HUNK: variants seen among roughly 807,000 people sequenced by gnomAD.
The protein encoded by HUNK is hormonally up-regulated Neu-associated kinase.
A neutral mutation model predicts 61.0 loss-of-function variants in HUNK; 21 were observed. The ratio of observed to expected loss-of-function variants is 0.34; its 90% CI spans 0.24 to 0.50. The LOEUF (loss-of-function observed/expected upper bound fraction) is 0.50, where lower values mean the gene tolerates loss of function less well. Among genes scored for constraint, HUNK ranks in the 20% least tolerant of loss-of-function variants. The pLI, the probability that HUNK is intolerant of heterozygous loss-of-function variation, is 0.98. For synonymous variants in HUNK, 371 were observed against 386.1 expected (o/e 0.96, Z 0.46); for missense variants, 772 against 945.7 (o/e 0.82, Z 2.41).
chr21:31,912,853 C>T (rs184221479), intron 1 of HUNK, among the ~76,000 whole-genome samples: 12 of 152,170 alleles, frequency 7.9e-5, no homozygotes, highest in South Asian at 6.2e-4. Flanking sequence ...CAAGCTGAAA[C>T]GGTGTCCACA....
At chr21:31,965,919 AATTTC>A (rs1302060901) in intron 5 of HUNK, among the ~76,000 whole-genome samples, 2 of 151,738 alleles carry the variant, frequency 1.3e-5, no homozygotes, top group Non-Finnish European at 2.9e-5. Flanking sequence ...CTTTTTTCAA[AATTTC>A]AGTACGTATT....
rs114798499 is a variant in HUNK, at chr21:31,900,252, C to T, written c.262-24216C>T. 9.5e-3 allele frequency among the ~76,000 whole-genome samples: 1,453 copies of T among 152,234 alleles called. 23 individuals are homozygous for T. The highest frequency in any genetic ancestry group is 0.033 in the African/African-American group (1,364 of 41,536). On this transcript the variant is annotated intron_variant, in intron 1 of 10. Transcript: ENST00000270112. The stretch of plus-strand genomic sequence containing the variant: ...CCACCCTCCTAGCTCCTTCCAGCCC[C>T]ACTGAAATGCCACGTTAGTTCTTCC...
At chr21:31,940,124 G>T in intron 2 of HUNK, 41 bp from the exon 3 acceptor site, 5 of 1,490,168 alleles carry the variant, frequency 3.4e-6, no homozygotes, top group East Asian at 2.3e-5. Context: ...CCATTATTTC[G>T]AATGCTTATC....
Position 31,995,758 on chromosome 21 carries a change from T to C in HUNK, c.1306-10T>C, listed in dbSNP as rs764165478. The C allele has an allele frequency of 6.2e-7, 1 of 1,611,066 alleles. No individual in the cohort carries two copies. The highest frequency in any genetic ancestry group is 2.2e-5 in the East Asian group (1 of 44,876). On this transcript the variant is annotated splice_polypyrimidine_tract_variant and intron_variant, in intron 9 of 10. Transcript: ENST00000270112. ...GTGTCTAAGTGCATATGTTTGCTTC[T>C]GATTTGTAGGATAAAAAGCCCAAAG...
chr21:31,886,828 T>C (rs1315368817), intron 1 of HUNK, among the ~76,000 whole-genome samples: 1 of 152,080 alleles, frequency 6.6e-6, no homozygotes, highest in African/African-American at 2.4e-5. Flanking sequence ...GTATTTTTAG[T>C]AGAAACGGAG....
chr21:31,931,668 C>G (rs924772909), intron 2 of HUNK, among the ~76,000 whole-genome samples: 1 of 152,160 alleles, frequency 6.6e-6, no homozygotes, highest in Non-Finnish European at 1.5e-5. Flanking sequence ...CCTCCTCACT[C>G]GGGGTGTTCA....
At chr21:31,984,065 T>C (rs897007770) in intron 8 of HUNK, among the ~76,000 whole-genome samples, 13 of 152,286 alleles carry the variant, frequency 8.5e-5, no homozygotes, top group African/African-American at 3.1e-4. Context: ...AAACTGTGGT[T>C]ATTAGAGGCT....
intron 9 of HUNK, 53 bp downstream of exon 9, chr21:31,990,229 C>A: frequency 6.9e-7 from 1 of 1,440,762 alleles, no homozygotes; most frequent in Non-Finnish European, 9.8e-7. Context: ...AGAAACAGAA[C>A]CAATAGAGTA....
chr21:31,924,498 G>C lies in HUNK; in HGVS notation c.292G>C (p.Ala98Pro), dbSNP rs750127108. ...VAIKVIDKKR[A>P]KKDTYVTKNL... is the part of the protein sequence containing the mutation. ...CATAAAAGTCATTGATAAGAAGAGAGCCAAAAAGGACACCTATGTCACCAA... is the reference window on the plus strand; with the variant it reads ...CATAAAAGTCATTGATAAGAAGAGACCCAAAAAGGACACCTATGTCACCAA... Residue 98 changes from alanine (A) to proline (P), a missense_variant, in exon 2 of 11, where the codon GCC becomes CCC. Coordinates refer to ENST00000270112, the MANE Select transcript of HUNK (RefSeq NM_014586.2). This position sits in a 1 kb window ranked among gnomAD's most constrained non-coding sequence, Gnocchi z 5.1. The C allele has an allele frequency of 6.2e-7, 1 of 1,613,884 alleles. No individual in the cohort carries two copies. Among genetic ancestry groups the C allele is most frequent in the African/African-American group, 1.3e-5 (1 of 74,868 alleles).
At chr21:31,976,793 T>C (rs1328464830) in intron 7 of HUNK, among the ~76,000 whole-genome samples, 7 of 146,284 alleles carry the variant, frequency 4.8e-5, no homozygotes, top group African/African-American at 1.8e-4. Context: ...TCTTTTGAGA[T>C]GAGGTCTCAC....
chr21:31,940,071 G>C (rs570534929), intron 2 of HUNK, 94 bp from the exon 3 acceptor site: 2 of 924,246 alleles, frequency 2.2e-6, no homozygotes, highest in Non-Finnish European at 3.3e-6. Flanking sequence ...GTTAGAAGTG[G>C]CTCTAAAAAC....
At chr21:31,903,057 G>A (rs1002619020) in intron 1 of HUNK, among the ~76,000 whole-genome samples, 5 of 151,358 alleles carry the variant, frequency 3.3e-5, no homozygotes, top group South Asian at 2.1e-4. Context: ...ATCTTGATTC[G>A]ATGAAAGCCA....
intron 1 of HUNK, among the ~76,000 whole-genome samples, chr21:31,894,191 G>A (rs996462110): frequency 3.3e-5 from 5 of 152,164 alleles, no homozygotes; most frequent in African/African-American, 1.2e-4. Context: ...TTGAAAGAAA[G>A]CACATCTAAG....
intron 1 of HUNK, among the ~76,000 whole-genome samples, chr21:31,882,415 C>T (rs920483501): frequency 1.3e-5 from 2 of 152,188 alleles, no homozygotes; most frequent in African/African-American, 4.8e-5. Context: ...TCTTCAGTTC[C>T]TGGATCTTCT....
At chr21:31,900,209 T>A (rs375497374) in intron 1 of HUNK, among the ~76,000 whole-genome samples, 86 of 152,062 alleles carry the variant, frequency 5.7e-4, no homozygotes, top group African/African-American at 2.1e-3. Flanking sequence ...CTCTAATGAG[T>A]CCACAAACTC....
chr21:31,879,555 C>T (rs947334112), intron 1 of HUNK, among the ~76,000 whole-genome samples: 1 of 152,156 alleles, frequency 6.6e-6, no homozygotes, highest in African/African-American at 2.4e-5. Context: ...ACGGTGCCCA[C>T]GGAGAGGAGT....
intron 6 of HUNK, among the ~76,000 whole-genome samples, chr21:31,969,222 G>A (rs1350436806): frequency 1.3e-5 from 2 of 152,004 alleles, no homozygotes; most frequent in African/African-American, 2.4e-5. Context: ...ATCAGCTCAC[G>A]AGCCCACCTG....
chr21:31,979,356 A>G (rs1303100288), intron 7 of HUNK, among the ~76,000 whole-genome samples: 1 of 151,522 alleles, frequency 6.6e-6, no homozygotes, highest in Non-Finnish European at 1.5e-5. Flanking sequence ...TGACCTTGTG[A>G]TCTGCCTGCC....
At position 31,933,969 on chromosome 21, in the gene HUNK, C is replaced by T. The variant is rs1488093156; in HGVS notation, c.555-6196C>T. Among the ~76,000 whole-genome samples, 9 of 151,802 alleles carry T rather than the reference C, an allele frequency of 5.9e-5. No homozygotes were observed. The South Asian group carries it at 8.3e-4, about 14-fold the overall frequency. On this transcript the variant is annotated intron_variant, in intron 2 of 10. Coordinates refer to ENST00000270112, the MANE Select transcript of HUNK (RefSeq NM_014586.2). ...CTTCCCTCACCGCATCGTCATGTGC[C>T]GACCAGCCTGCCCTTCACCTTCCTT...
Sources: gnomAD v4.1 joint callset for allele counts (sites outside exome capture counted in the v4.1 genomes callset) on GRCh38, gnomAD v4.1.1 for gene constraint, Gnocchi (gnomAD v3.1) non-coding constraint, MANE v1.5 for transcripts, NCBI Gene and HGNC (gene_info 2026-07-23, HGNC 2026-07-21) for gene names.